The following MSRA variants were observed in gnomAD, a reference collection of about 807,000 sequenced individuals.
MSRA encodes mitochondrial peptide methionine sulfoxide reductase.
MSRA carries 54 observed loss-of-function variants against 31.3 expected under a neutral mutation model. The ratio of observed to expected loss-of-function variants is 1.73; its 90% CI spans 1.39 to 2.17. The LOEUF is 2.17. MSRA is among the 30% of genes most tolerant of loss of function. The pLI, the probability that MSRA is intolerant of heterozygous loss-of-function variation, is 0.00. For synonymous variants in MSRA, 169 were observed against 116.5 expected (o/e 1.45, Z -2.90); for missense variants, 507 against 300.9 (o/e 1.69, Z -5.07).
chr8:10,238,959 A>C (rs1812176714), intron 2 of MSRA, among the ~76,000 whole-genome samples: 1 of 152,224 alleles, frequency 6.6e-6, no homozygotes, highest in Non-Finnish European at 1.5e-5. Flanking sequence ...TGAAGGGAAA[A>C]GCAAATCAGA....
At chr8:10,142,466 GTT>G (rs1294448917) in intron 1 of MSRA, among the ~76,000 whole-genome samples, 2 of 152,194 alleles carry the variant, frequency 1.3e-5, no homozygotes, top group African/African-American at 2.4e-5. Context: ...CCCTTCAGTG[GTT>G]TAAGTGGAAA....
At chr8:10,286,672 C>G (rs1011318183) in intron 3 of MSRA, among the ~76,000 whole-genome samples, 16 of 152,222 alleles carry the variant, frequency 1.1e-4, no homozygotes, top group African/African-American at 3.4e-4. Context: ...ACTTTCTATC[C>G]TGTGTTTTCA....
chr8:10,380,119 TCTC>T (rs1400860593), intron 5 of MSRA, among the ~76,000 whole-genome samples: 3 of 152,202 alleles, frequency 2.0e-5, no homozygotes, highest in African/African-American at 7.2e-5. Flanking sequence ...CTACTATACA[TCTC>T]CTCCTGCACA....
chr8:10,218,598 T>C (rs1245427680), intron 2 of MSRA, among the ~76,000 whole-genome samples: 1 of 152,250 alleles, frequency 6.6e-6, no homozygotes, highest in Non-Finnish European at 1.5e-5. Context: ...CTTTATCAAC[T>C]GTATGGTTAC....
intron 1 of MSRA, among the ~76,000 whole-genome samples, chr8:10,102,457 C>G (rs796568326): frequency 4.6e-5 from 7 of 151,388 alleles, no homozygotes; most frequent in African/African-American, 1.7e-4. Flanking sequence ...GTTATTTTAT[C>G]TGCTATGTCT....
At chr8:10,365,850 C>G (rs995971936) in intron 5 of MSRA, among the ~76,000 whole-genome samples, 11 of 152,204 alleles carry the variant, frequency 7.2e-5, no homozygotes, top group African/African-American at 1.9e-4. Context: ...AAGGGAGGAA[C>G]GATGCTGTGA....
chr8:10,269,298 A>C (rs947216457), intron 3 of MSRA, among the ~76,000 whole-genome samples: 2 of 152,240 alleles, frequency 1.3e-5, no homozygotes, highest in African/African-American at 2.4e-5. Context: ...CCCTTTGTCA[A>C]CTATTCTTCA....
At chr8:10,400,103 C>T (rs1306343383) in intron 5 of MSRA, among the ~76,000 whole-genome samples, 1 of 151,624 alleles carries the variant, frequency 6.6e-6, no homozygotes, top group Non-Finnish European at 1.5e-5. Context: ...AGGTGATAAA[C>T]CATTGTCATA....
At chr8:10,114,647 C>G (rs555640983) in intron 1 of MSRA, among the ~76,000 whole-genome samples, 4 of 152,098 alleles carry the variant, frequency 2.6e-5, no homozygotes, top group Admixed American at 6.6e-5. Context: ...AGAGGTCTTA[C>G]GTAGCTGAGG....
intron 3 of MSRA, among the ~76,000 whole-genome samples, chr8:10,272,192 C>T (rs1799079288): frequency 6.6e-6 from 1 of 152,084 alleles, no homozygotes; most frequent in African/African-American, 2.4e-5. Flanking sequence ...CAATATTCTC[C>T]AGGAAAACAG....
At chr8:10,380,156 C>T (rs1805981005) in intron 5 of MSRA, among the ~76,000 whole-genome samples, 1 of 152,214 alleles carries the variant, frequency 6.6e-6, no homozygotes, top group South Asian at 2.1e-4. Flanking sequence ...TGAATGGGCC[C>T]TGCTCTCTCT....
intron 1 of MSRA, among the ~76,000 whole-genome samples, chr8:10,141,967 G>T (rs938023772): frequency 6.6e-6 from 1 of 152,070 alleles, no homozygotes; most frequent in Non-Finnish European, 1.5e-5. Context: ...TTTTTTGTTT[G>T]TTTGTTTGGA....
chr8:10,096,112 T>C, intron 1 of MSRA: 1 of 1,297,344 alleles, frequency 7.7e-7, no homozygotes, highest in Non-Finnish European at 1.0e-6. Flanking sequence ...AAGGAGCCTT[T>C]CTAAGATTTT....
chr8:10,198,519 T>C (rs1808196110), intron 1 of MSRA, among the ~76,000 whole-genome samples: 1 of 152,218 alleles, frequency 6.6e-6, no homozygotes. Flanking sequence ...AACAGTTCTG[T>C]TGTAAACATC....
At chr8:10,351,473 C>T (rs937219832) in intron 5 of MSRA, among the ~76,000 whole-genome samples, 4 of 152,026 alleles carry the variant, frequency 2.6e-5, no homozygotes, top group South Asian at 4.2e-4. Context: ...AGGATGGTCT[C>T]GGTCTCTTGA....
intron 5 of MSRA, among the ~76,000 whole-genome samples, chr8:10,424,030 C>T (rs1563466092): frequency 1.3e-5 from 2 of 152,212 alleles, no homozygotes; most frequent in South Asian, 2.1e-4. Context: ...TTTTGTAATG[C>T]AGCGTCATCA....
intron 3 of MSRA, among the ~76,000 whole-genome samples, chr8:10,275,123 C>CT (rs1799256468): frequency 6.7e-6 from 1 of 150,302 alleles, no homozygotes; most frequent in Non-Finnish European, 1.5e-5. Context: ...TCCAGGTGTC[C>CT]TTTTTTCTGA....
chr8:10,118,701 C>T (rs1800873843), intron 1 of MSRA, among the ~76,000 whole-genome samples: 1 of 152,202 alleles, frequency 6.6e-6, no homozygotes, highest in Admixed American at 6.5e-5. Flanking sequence ...GTTCTCTCCT[C>T]TGAGGACGCC....
intron 1 of MSRA, among the ~76,000 whole-genome samples, chr8:10,145,973 G>T (rs1281566270): frequency 6.6e-6 from 1 of 152,198 alleles, no homozygotes; most frequent in Non-Finnish European, 1.5e-5. Context: ...TTTGAAATCT[G>T]TAACAGTGGA....
Sources: allele counts gnomAD v4.1 joint callset (sites outside exome capture counted in the v4.1 genomes callset), GRCh38; gene constraint gnomAD v4.1.1; transcripts MANE v1.5; gene names NCBI Gene and HGNC (gene_info 2026-07-23, HGNC 2026-07-21).